DSC1: variants seen among roughly 807,000 people sequenced by gnomAD.
DSC1 encodes the protein desmocollin 1, also known as desmocollin-1.
A neutral mutation model predicts 98.8 loss-of-function variants in DSC1; 79 were observed. That is an observed-to-expected ratio of 0.80 (90% CI 0.67 to 0.96). The LOEUF (loss-of-function observed/expected upper bound fraction) is 0.96, where lower values mean the gene tolerates loss of function less well. DSC1 is among the 50% of genes least tolerant of loss of function. DSC1 has a pLI of 0.00. For missense variants in DSC1, 1,115 were observed against 1,075.9 expected, an observed-to-expected ratio of 1.04 and a Z score of -0.51; for synonymous variants, 405 against 372.1, an observed-to-expected ratio of 1.09 and a Z score of -1.02.
intron 7 of DSC1, among the ~76,000 whole-genome samples, chr18:31,144,045 G>A (rs1988791975): frequency 1.3e-5 from 2 of 151,936 alleles, no homozygotes. Flanking sequence ...GAGTAGCTGG[G>A]AGTGCAGGCG....
intron 8 of DSC1, among the ~76,000 whole-genome samples, chr18:31,142,660 C>A (rs1163870383): frequency 7.5e-6 from 1 of 134,122 alleles, no homozygotes; most frequent in Non-Finnish European, 1.7e-5. Context: ...AAACCTTTAG[C>A]AGAAAAGTTT....
At chr18:31,151,557 G>C (rs1568003381) in intron 5 of DSC1, among the ~76,000 whole-genome samples, 1 of 152,178 alleles carries the variant, frequency 6.6e-6, no homozygotes, top group Non-Finnish European at 1.5e-5. Flanking sequence ...TAGGTTATAA[G>C]TGGGTTATTT....
intron 3 of DSC1, among the ~76,000 whole-genome samples, chr18:31,157,100 T>A (rs2094345638): frequency 6.6e-6 from 1 of 152,208 alleles, no homozygotes; most frequent in Non-Finnish European, 1.5e-5. Context: ...GTTGGTTTGT[T>A]CTTATTCCCA....
intron 1 of DSC1, among the ~76,000 whole-genome samples, chr18:31,160,686 T>C (rs1054981210): frequency 6.6e-6 from 1 of 152,190 alleles, no homozygotes; most frequent in Non-Finnish European, 1.5e-5. Flanking sequence ...AATATGTTCA[T>C]CCCTAATGCC....
intron 5 of DSC1, among the ~76,000 whole-genome samples, chr18:31,151,480 A>G (rs187086760): frequency 1.3e-5 from 2 of 152,342 alleles, no homozygotes; most frequent in East Asian, 1.9e-4. Context: ...ATTAAAAGCA[A>G]TAATAATATA....
At chr18:31,140,951 A>G (rs904834756) in intron 9 of DSC1, among the ~76,000 whole-genome samples, 6 of 152,150 alleles carry the variant, frequency 3.9e-5, no homozygotes, top group African/African-American at 1.4e-4. Context: ...GTGATAGTGA[A>G]TAAGTCTCGC....
At chr18:31,159,572 T>A in intron 1 of DSC1, 43 bp from the exon 2 acceptor site, 1 of 1,493,834 alleles carries the variant, frequency 6.7e-7, no homozygotes, top group Non-Finnish European at 9.1e-7. Flanking sequence ...TTAAATTTGA[T>A]CACAAATTTT....
chr18:31,139,850 T>G lies in DSC1; in HGVS notation c.1561A>C (p.Asn521His). The G allele has an allele frequency of 6.2e-7, 1 of 1,611,042 alleles. No individual in the cohort carries two copies. Among genetic ancestry groups the G allele is most frequent in the Non-Finnish European group, 8.5e-7 (1 of 1,179,168 alleles). Residue 521 changes from asparagine to histidine, a missense_variant, in exon 11 of 16, where the codon AAT becomes CAT. Coordinates refer to ENST00000257198, the MANE Select transcript of DSC1 (RefSeq NM_024421.2). ...GTTCTCAAGTCGCCAGTGTGTTGAT[T>G]AATTTCAAACCAGTTATCTTCATCC... Reference protein sequence around the residue: ...LGDEDNWFEINQHTGDLRTLK... With the variant: ...LGDEDNWFEIHQHTGDLRTLK...
rs768159112 is a variant in DSC1 at position 31,130,526 on chromosome 18, G to A, written c.2673C>T (p.Cys891=). 1.2e-6 allele frequency: 2 copies of A among 1,614,074 alleles called. No individual in the cohort carries two copies. The highest frequency in any genetic ancestry group is 1.7e-6 in the Non-Finnish European group (2 of 1,179,970). The change falls in exon 16 of 16, where the codon TGC becomes TGT. Residue 891 remains cysteine, a synonymous_variant. Coordinates refer to ENST00000257198, the MANE Select transcript of DSC1 (RefSeq NM_024421.2). ...TTAAAAGGCACATTTATTTCTTGAT[G>A]CATGTCTTTGCTAATGTCCTAAATT... The part of the protein sequence containing the change: ...EPKFRTLAKT[C]IKK
At chr18:31,136,156 C>T (rs369736548) in intron 11 of DSC1, among the ~76,000 whole-genome samples, 4 of 151,716 alleles carry the variant, frequency 2.6e-5, no homozygotes, top group East Asian at 3.9e-4. Flanking sequence ...TTTGCAATAG[C>T]ATATAAATAC....
chr18:31,131,742 A>T lies in DSC1; in HGVS notation c.2339T>A (p.Phe780Tyr), dbSNP rs1490360744. 2 of 1,614,032 alleles carry T rather than the reference A, an allele frequency of 1.2e-6. No homozygotes were observed. The highest frequency in any genetic ancestry group is 8.5e-7 in the Non-Finnish European group (1 of 1,179,972). The change falls in exon 15 of 16, where the codon TTT (phenylalanine) becomes TAT (tyrosine). Residue 780 changes from phenylalanine to tyrosine, a missense_variant. Phe to Tyr is a conservative substitution (Grantham distance 22). Coordinates refer to ENST00000257198, the MANE Select transcript of DSC1 (RefSeq NM_024421.2). ...GGQGIKTQQS[F>Y]EMVKGGYTLD... ...AGTGTAGCCTCCTTTGACCATCTCAAAACTTTGCTGTGTTTTGATTCCCTG... is the reference window on the plus strand; with the variant it reads ...AGTGTAGCCTCCTTTGACCATCTCATAACTTTGCTGTGTTTTGATTCCCTG...
In DSC1 at chr18:31,156,146, T is replaced by C. The variant is rs758446496; in HGVS notation, c.368A>G (p.His123Arg). The change falls in exon 4 of 16, where the codon CAT (histidine) becomes CGT (arginine). Residue 123 changes from histidine (H) to arginine (R), a missense_variant. Physicochemically the swap from His to Arg is conservative, Grantham distance 29 (BLOSUM62 0). Transcript: ENST00000257198. Reference sequence around the variant, plus strand: ...GCGCTTGAGGGCTGTGTCTTTGGTATGTCTCTTCTTAGGAGACTACATTTG... The same window carrying C: ...GCGCTTGAGGGCTGTGTCTTTGGTACGTCTCTTCTTAGGAGACTACATTTG... ...ARENKSPKKR[H>R]TKDTALKRSK... 3.7e-6 allele frequency: 6 copies of C among 1,613,474 alleles called. No individual in the cohort carries two copies. Among genetic ancestry groups the C allele is most frequent in the Non-Finnish European group, 5.1e-6 (6 of 1,179,924 alleles).
At chr18:31,156,661 T>C (rs1989104319) in intron 3 of DSC1, among the ~76,000 whole-genome samples, 1 of 152,182 alleles carries the variant, frequency 6.6e-6, no homozygotes, top group Non-Finnish European at 1.5e-5. Flanking sequence ...TAAGAGGAGT[T>C]CATACAATCA....
intron 4 of DSC1, among the ~76,000 whole-genome samples, chr18:31,155,291 AC>A (rs1196845574): frequency 6.6e-6 from 1 of 152,186 alleles, no homozygotes; most frequent in East Asian, 1.9e-4. Flanking sequence ...TGATAATAAA[AC>A]TAGAAGTAAA....
rs1017709833 is a variant in DSC1, at chr18:31,129,933, C to T, written c.*581G>A. ...GTCCAGGGACTGAGCTCTGAAGGAT[C>T]CTGAAAGAAAACAATGCTGGGAGCA... On this transcript the variant is annotated 3_prime_UTR_variant, in exon 16 of 16. Coordinates refer to ENST00000257198, the MANE Select transcript of DSC1 (RefSeq NM_024421.2). 4 of 152,554 alleles carry T rather than the reference C, an allele frequency of 2.6e-5. No individual in the cohort carries two copies. The highest frequency in any genetic ancestry group is 7.2e-5 in the African/African-American group (3 of 41,380). The allele number at this position is 152,554 out of a possible 1,614,324, so 9.5% of individuals were successfully genotyped here.
chr18:31,148,035 G>C (rs865785710), intron 6 of DSC1, among the ~76,000 whole-genome samples: 1 of 152,032 alleles, frequency 6.6e-6, no homozygotes, highest in Non-Finnish European at 1.5e-5. Flanking sequence ...CCTGGCCCAC[G>C]TGTAAATCCC....
chr18:31,141,028 A>G lies in DSC1; in HGVS notation c.1261-727T>C, dbSNP rs184248042. Among the ~76,000 whole-genome samples, 27 of 152,228 alleles carry G rather than the reference A, an allele frequency of 1.8e-4. No individual in the cohort carries two copies. The East Asian group carries it at 5.2e-3, about 29-fold the overall frequency. On this transcript the variant is annotated intron_variant, in intron 9 of 15. Transcript: ENST00000257198. Reference sequence around the variant, plus strand: ...GCCTCATTCTTCTCTTGCTGCCACCATGTGAGAAGTGCCTTTTGCCTCCCT... The same window carrying G: ...GCCTCATTCTTCTCTTGCTGCCACCGTGTGAGAAGTGCCTTTTGCCTCCCT...
intron 1 of DSC1, among the ~76,000 whole-genome samples, chr18:31,161,944 C>T (rs9951631): frequency 0.069 from 10,570 of 152,154 alleles, 501 homozygotes; most frequent in East Asian, 0.15. Flanking sequence ...CTTCCCTCAC[C>T]TCCAAAGAAA....
Position 31,140,296 on chromosome 18 carries a change from C to A in DSC1, c.1266G>T (p.Leu422Phe). The A allele has an allele frequency of 6.2e-7, 1 of 1,613,726 alleles. No homozygotes were observed. Among genetic ancestry groups the A allele is most frequent in the South Asian group, 1.1e-5 (1 of 91,018 alleles). The change falls in exon 10 of 16, where the codon TTG (leucine) becomes TTT (phenylalanine). Residue 422 changes from leucine (L) to phenylalanine (F), a missense_variant. Physicochemically the swap from Leu to Phe is conservative, Grantham distance 22 (BLOSUM62 0). Coordinates refer to ENST00000257198, the MANE Select transcript of DSC1 (RefSeq NM_024421.2). ...TAACTTGGCGATTGACTTCATAGTT[C>A]AATGGCTGTTAAATAAGCATACTTT... ...NEGVLCVVKP[L>F]NYEVNRQVIL...
Sources: gnomAD v4.1 joint callset for allele counts (sites outside exome capture counted in the v4.1 genomes callset) on GRCh38, gnomAD v4.1.1 for gene constraint, MANE v1.5 for transcripts, NCBI Gene and HGNC (gene_info 2026-07-23, HGNC 2026-07-21) for gene names.